The following CFAP68 variants were observed in gnomAD, a reference collection of about 807,000 sequenced individuals.
CFAP68 encodes the protein cilia- and flagella-associated protein 68.
chr11:111,883,321 G>T, the CFAP68 span: 384 of 850,180 alleles, frequency 4.5e-4, 1 homozygote, highest in South Asian at 2.3e-3. Flanking sequence ...TGGGCGCAGT[G>T]GCTCACACCT....
At chr11:111,881,257 A>G in the CFAP68 span, 17 of 1,406,442 alleles carry the variant, frequency 1.2e-5, no homozygotes, top group African/African-American at 7.2e-5. Context: ...TACCAGGCCC[A>G]TTGGACTTTG....
At chr11:111,884,025 C>T in the CFAP68 span, 2 of 580,072 alleles carry the variant, frequency 3.4e-6, no homozygotes, top group African/African-American at 1.9e-5. Flanking sequence ...ATTTAGCTCA[C>T]TGTAACACAG....
the CFAP68 span, chr11:111,883,923 T>A: frequency 7.7e-7 from 1 of 1,305,516 alleles, no homozygotes; most frequent in Non-Finnish European, 1.1e-6. Context: ...TAATATTGAC[T>A]AGTTTCACAT....
At chr11:111,882,524 AC>A in the CFAP68 span, 1 of 1,614,028 alleles carries the variant, frequency 6.2e-7, no homozygotes, top group Non-Finnish European at 8.5e-7. Flanking sequence ...TTCAAACCGT[AC>A]CCTGATGGGC....
the CFAP68 span, chr11:111,885,943 C>G: frequency 6.6e-6 from 1 of 151,916 alleles, no homozygotes; most frequent in African/African-American, 2.4e-5. Flanking sequence ...CTATTCAATG[C>G]CATTTTTATT....
chr11:111,881,187 G>A, the CFAP68 span: 1 of 1,285,796 alleles, frequency 7.8e-7, no homozygotes. Flanking sequence ...ACAACTGAGT[G>A]GATGGTGATG....
the CFAP68 span, chr11:111,881,301 G>C: frequency 7.0e-6 from 10 of 1,428,216 alleles, no homozygotes; most frequent in Non-Finnish European, 9.1e-6. Flanking sequence ...ATGTTGTTTG[G>C]TAACATCAGT....
At chr11:111,882,384 G>GT in the CFAP68 span, 1 of 1,613,850 alleles carries the variant, frequency 6.2e-7, no homozygotes, top group Non-Finnish European at 8.5e-7. Flanking sequence ...AACCTCGCCT[G>GT]TTTCCTCACA....
At chr11:111,881,421 T>A in the CFAP68 span, 1 of 1,532,362 alleles carries the variant, frequency 6.5e-7, no homozygotes, top group Non-Finnish European at 8.7e-7. Flanking sequence ...GGCAAGTGGG[T>A]GGTGACTCCC....
chr11:111,881,404 G>A, the CFAP68 span: 1 of 1,528,112 alleles, frequency 6.5e-7, no homozygotes, highest in Non-Finnish European at 8.7e-7. Context: ...GTTTCTGCCT[G>A]TGGAAAGGCA....
chr11:111,881,421 T>C, the CFAP68 span: 1 of 1,532,362 alleles, frequency 6.5e-7, no homozygotes, highest in Non-Finnish European at 8.7e-7. Flanking sequence ...GGCAAGTGGG[T>C]GGTGACTCCC....
the CFAP68 span, chr11:111,884,033 C>T: frequency 1.8e-6 from 1 of 547,786 alleles, no homozygotes; most frequent in African/African-American, 1.9e-5. Flanking sequence ...CACTGTAACA[C>T]AGTTTCACTC....
At chr11:111,884,494 A>ATT in the CFAP68 span, 1 of 149,260 alleles carries the variant, frequency 6.7e-6, no homozygotes, top group South Asian at 2.1e-4. Context: ...AAAAAAAAAG[A>ATT]ATTATTTCTC....
the CFAP68 span, chr11:111,883,888 A>G: frequency 2.0e-6 from 3 of 1,532,574 alleles, no homozygotes; most frequent in Non-Finnish European, 2.7e-6. Context: ...TAAATTGGGC[A>G]TCACTCAGGA....
At chr11:111,882,591 C>T in the CFAP68 span, 3 of 1,565,148 alleles carry the variant, frequency 1.9e-6, no homozygotes, top group Non-Finnish European at 2.6e-6. Flanking sequence ...AAACCCTTGC[C>T]TTCCCAGGTA....
chr11:111,883,298 G>A, the CFAP68 span: 2 of 1,098,792 alleles, frequency 1.8e-6, no homozygotes, highest in Non-Finnish European at 2.7e-6. Context: ...CTGAATAGGT[G>A]AATAAGTGAG....
chr11:111,885,234 T>C, the CFAP68 span: 1 of 151,952 alleles, frequency 6.6e-6, no homozygotes, highest in Admixed American at 6.6e-5. Context: ...TCCCAGCACT[T>C]TGGGAGGCTG....
the CFAP68 span, chr11:111,883,919 T>G: frequency 7.3e-7 from 1 of 1,368,730 alleles, no homozygotes; most frequent in Non-Finnish European, 1.0e-6. Flanking sequence ...ATCTTAATAT[T>G]GACTAGTTTC....
At chr11:111,882,959 G>A in the CFAP68 span, among the ~76,000 whole-genome samples, 1 of 152,062 alleles carries the variant, frequency 6.6e-6, no homozygotes, top group Non-Finnish European at 1.5e-5. Context: ...CACTTAAATC[G>A]CTCCTAAACA....
Sources: allele counts gnomAD v4.1 joint callset (sites outside exome capture counted in the v4.1 genomes callset), GRCh38; gene constraint gnomAD v4.1.1; transcripts MANE v1.5; gene names NCBI Gene and HGNC (gene_info 2026-07-23, HGNC 2026-07-21).